Variants in USP47 observed in about 807,000 individuals in gnomAD.
USP47 encodes the protein ubiquitin specific peptidase 47, also known as ubiquitin carboxyl-terminal hydrolase 47.
A neutral mutation model predicts 165.1 loss-of-function variants in USP47; 35 were observed. That is an observed-to-expected ratio of 0.21 (90% CI 0.16 to 0.28). The LOEUF (loss-of-function observed/expected upper bound fraction) is 0.28, where lower values mean the gene tolerates loss of function less well. USP47 is among the 10% of genes least tolerant of loss of function. The probability of loss-of-function intolerance (pLI) is 1.00; values close to 1 mark genes in which losing one functional copy is unlikely to be tolerated. For missense variants in USP47, 1,277 were observed against 1,607.4 expected (o/e 0.79, Z 3.52); for synonymous variants, 531 against 544.5 (o/e 0.98, Z 0.35).
rs145370433 is a variant in USP47 at position 11,857,128 on chromosome 11, G to A, written c.39+14904G>A. Among the ~76,000 whole-genome samples the A allele has an allele frequency of 8.6e-3, 1,289 of 149,512 alleles. 11 individuals carry two copies. Among genetic ancestry groups the A allele is most frequent in the African/African-American group, 0.03 (1,219 of 40,448 alleles). ...CTCTGGATTATAAACCTAGTTCCAG[G>A]TTGCATTAATAAGTAGAATTTTTGT... is the stretch of plus-strand genomic sequence containing the variant. On this transcript the variant is annotated intron_variant, in intron 1 of 27. Transcript: ENST00000527733.
chr11:11,914,350 A>C (rs1853250124), intron 8 of USP47, among the ~76,000 whole-genome samples: 1 of 152,166 alleles, frequency 6.6e-6, no homozygotes, highest in Non-Finnish European at 1.5e-5. Context: ...GGACATCCAT[A>C]TCACAAAAAT....
chr11:11,948,689 T>C (rs1856015457), intron 22 of USP47, 131 bp downstream of exon 22: 2 of 707,786 alleles, frequency 2.8e-6, no homozygotes, highest in East Asian at 2.7e-5. Context: ...CCTTGCAGTT[T>C]AGCAGGCCAT....
chr11:11,913,943 T>C (rs779263837), intron 8 of USP47, among the ~76,000 whole-genome samples: 5 of 152,040 alleles, frequency 3.3e-5, no homozygotes, highest in Non-Finnish European at 5.9e-5. Context: ...TACTTATTAA[T>C]TGGAAGATTC....
chr11:11,903,139 C>T, intron 6 of USP47, 124 bp from the exon 7 acceptor site: 1 of 948,098 alleles, frequency 1.1e-6, no homozygotes, highest in Non-Finnish European at 1.5e-6. Context: ...TTCTTATGTT[C>T]TTTTTTAAAT....
chr11:11,879,749 G>T (rs1248807681), intron 1 of USP47, among the ~76,000 whole-genome samples: 2 of 151,892 alleles, frequency 1.3e-5, no homozygotes, highest in Non-Finnish European at 2.9e-5. Flanking sequence ...CTGCATTTTT[G>T]CACAATTCCC....
intron 10 of USP47, among the ~76,000 whole-genome samples, chr11:11,922,465 G>A (rs529556239): frequency 1.3e-5 from 2 of 151,982 alleles, no homozygotes; most frequent in East Asian, 3.9e-4. Context: ...CATAAATGAG[G>A]TTTAATAGAA....
chr11:11,904,807 C>T (rs1483873170), intron 7 of USP47, among the ~76,000 whole-genome samples: 1 of 151,972 alleles, frequency 6.6e-6, no homozygotes, highest in Non-Finnish European at 1.5e-5. Context: ...TTTGAATTTC[C>T]ATACATTTTA....
chr11:11,853,630 G>A (rs1013301409), intron 1 of USP47, among the ~76,000 whole-genome samples: 1 of 152,138 alleles, frequency 6.6e-6, no homozygotes, highest in Non-Finnish European at 1.5e-5. Flanking sequence ...TTGTCCTTAG[G>A]TGTGGAAGTA....
chr11:11,921,358 T>G (rs1853824728), intron 10 of USP47, among the ~76,000 whole-genome samples: 1 of 151,782 alleles, frequency 6.6e-6, no homozygotes, highest in Admixed American at 6.6e-5. Context: ...TACTATTGAG[T>G]ACTATGAGGC....
rs1252583310 is a variant in USP47 at position 11,938,339 on chromosome 11, G to T, written c.2160G>T (p.Gln720His). The change falls in exon 18 of 28, where the codon CAG becomes CAT. Residue 720 changes from glutamine to histidine, a missense_variant. This residue lies in a region of USP47 where 909 missense variants were observed against 1,068.1 expected (regional missense o/e 0.85). Coordinates refer to ENST00000527733, the MANE Select transcript of USP47 (RefSeq NM_001282659.2). ...TAACTGTTCGTGCTTACTTAAATCA[G>T]ACAGTTACAGAATTCAAACAACTGA... Reference protein sequence around the residue: ...APITVRAYLNQTVTEFKQLIS... With the variant: ...APITVRAYLNHTVTEFKQLIS... 1.2e-6 allele frequency: 2 copies of T among 1,611,812 alleles called. No individual in the cohort carries two copies. Among genetic ancestry groups the T allele is most frequent in the African/African-American group, 2.7e-5 (2 of 74,776 alleles).
intron 1 of USP47, among the ~76,000 whole-genome samples, chr11:11,848,511 A>T (rs1848549369): frequency 6.6e-6 from 1 of 152,190 alleles, no homozygotes; most frequent in Non-Finnish European, 1.5e-5. Context: ...TTACAAAAAC[A>T]GTAGGTCTCT....
chr11:11,936,747 C>T (rs1334396846), intron 17 of USP47, among the ~76,000 whole-genome samples: 1 of 151,838 alleles, frequency 6.6e-6, no homozygotes, highest in African/African-American at 2.4e-5. Flanking sequence ...TTCTAGCTTA[C>T]GGTCTTCAGT....
chr11:11,935,234 T>C (rs781352129), intron 16 of USP47, among the ~76,000 whole-genome samples: 64 of 152,070 alleles, frequency 4.2e-4, no homozygotes, highest in Non-Finnish European at 8.7e-4. Flanking sequence ...CACTAAACTA[T>C]AAGCACATAC....
intron 1 of USP47, among the ~76,000 whole-genome samples, chr11:11,858,493 T>C (rs1482771399): frequency 6.6e-6 from 1 of 152,212 alleles, no homozygotes; most frequent in Non-Finnish European, 1.5e-5. Context: ...AAATATAGAA[T>C]ATATCCATCA....
intron 20 of USP47, among the ~76,000 whole-genome samples, chr11:11,944,477 C>A (rs1259936211): frequency 2.0e-5 from 3 of 152,048 alleles, no homozygotes; most frequent in Admixed American, 6.6e-5. Flanking sequence ...AGAGGGAAAT[C>A]GTATTGTAAT....
intron 5 of USP47, among the ~76,000 whole-genome samples, chr11:11,901,828 G>A (rs1198195066): frequency 1.3e-5 from 2 of 151,800 alleles, no homozygotes; most frequent in Non-Finnish European, 2.9e-5. Context: ...GCGTCATGGT[G>A]CATGTGTATA....
intron 1 of USP47, among the ~76,000 whole-genome samples, chr11:11,848,727 AG>A (rs1284910462): frequency 6.7e-6 from 1 of 150,184 alleles, no homozygotes; most frequent in East Asian, 2.0e-4. Flanking sequence ...CTCCTGCCTC[AG>A]CCTCCTGAGT....
intron 8 of USP47, among the ~76,000 whole-genome samples, chr11:11,914,569 T>A (rs1025120219): frequency 6.6e-6 from 1 of 152,096 alleles, no homozygotes; most frequent in African/African-American, 2.4e-5. Flanking sequence ...ATATTTACTC[T>A]CTGAAAGCCC....
At chr11:11,950,629 A>T in intron 24 of USP47, 147 bp downstream of exon 24, 1 of 597,066 alleles carries the variant, frequency 1.7e-6, no homozygotes, top group South Asian at 2.5e-5. Context: ...CGATATCCTT[A>T]TTATGGATTG....
Sources: allele counts gnomAD v4.1 joint callset (sites outside exome capture counted in the v4.1 genomes callset), GRCh38; gene constraint gnomAD v4.1.1; regional missense constraint gnomAD v4.1.1; transcripts MANE v1.5; gene names NCBI Gene and HGNC (gene_info 2026-07-23, HGNC 2026-07-21).